The following MRPL42 variants were observed in gnomAD, a reference collection of about 807,000 sequenced individuals.
MRPL42 encodes large ribosomal subunit protein mL42.
MRPL42 carries 17 observed loss-of-function variants against 17.9 expected under a neutral mutation model. The ratio of observed to expected loss-of-function variants is 0.95; its 90% CI spans 0.65 to 1.42. MRPL42 has a LOEUF of 1.42. Ranked by LOEUF, MRPL42 falls within the 40% of genes most tolerant of loss-of-function variation. The pLI, the probability that MRPL42 is intolerant of heterozygous loss-of-function variation, is 0.00. For synonymous variants in MRPL42, 59 were observed against 54.4 expected (o/e 1.08, Z -0.37); for missense variants, 177 against 175.2 (o/e 1.01, Z -0.06).
At chr12:93,468,871 CTG>C (rs958641506) in intron 1 of MRPL42, among the ~76,000 whole-genome samples, 12 of 152,150 alleles carry the variant, frequency 7.9e-5, no homozygotes, top group African/African-American at 1.7e-4. Context: ...AATGAATACT[CTG>C]TGTACCATTT....
intron 2 of MRPL42, among the ~76,000 whole-genome samples, chr12:93,470,165 T>A (rs1879840121): frequency 6.6e-6 from 1 of 152,200 alleles, no homozygotes; most frequent in Admixed American, 6.5e-5. Flanking sequence ...CTAGCCATTT[T>A]TAAAAAAATG....
rs1326289465 is a variant in MRPL42, at chr12:93,514,297, T to G, written c.*13076T>G. ...CTCTGCTTTTTCTTTCTTTCTTTCT[T>G]TTTTTTTTTTTTTTTTTTGAGATGG... is the stretch of plus-strand genomic sequence containing the variant. On this transcript the variant is annotated 3_prime_UTR_variant, in exon 6 of 6. Transcript: ENST00000549982. The G allele has an allele frequency of 7.9e-5, 1 of 12,610 alleles. No homozygotes were observed. The highest frequency in any genetic ancestry group is 4.3e-4 in the African/African-American group (1 of 2,336). 0.8% of individuals were successfully genotyped at this position (12,610 alleles called of 1,614,324 possible). A position where few individuals can be genotyped will look rare whatever the true frequency, so the allele number is the denominator to read the frequency against.
chr12:93,487,472 A>T, intron 4 of MRPL42, 25 bp from the exon 5 acceptor site: 4 of 1,587,350 alleles, frequency 2.5e-6, no homozygotes, highest in Non-Finnish European at 2.6e-6. Flanking sequence ...CATCTTCATG[A>T]TGTTTGTTAC....
Position 93,502,167 on chromosome 12 carries a change from T to C in MRPL42, c.*946T>C, listed in dbSNP as rs1023549839. 1 of 152,196 alleles carries C rather than the reference T, an allele frequency of 6.6e-6. No homozygotes were observed. The highest frequency in any genetic ancestry group is 1.5e-5 in the Non-Finnish European group (1 of 68,038). 9.4% of individuals were successfully genotyped at this position (152,196 alleles called of 1,614,324 possible). On this transcript the variant is annotated 3_prime_UTR_variant, in exon 6 of 6. Transcript: ENST00000549982. Reference sequence around the variant, plus strand: ...TGTAATTTGTTTTGAAGGTTTTTTTTCCTGACTGTCTTAAAGATTATGCTA... The same window carrying C: ...TGTAATTTGTTTTGAAGGTTTTTTTCCCTGACTGTCTTAAAGATTATGCTA...
Position 93,492,676 on chromosome 12 carries a change from A to T in MRPL42, c.383+5016A>T, listed in dbSNP as rs539916970. 2.4e-3 allele frequency among the ~76,000 whole-genome samples: 369 copies of T among 152,368 alleles called. 1 individual carries two copies. Among genetic ancestry groups the T allele is most frequent in the African/African-American group, 8.4e-3 (351 of 41,588 alleles). Reference sequence around the variant, plus strand: ...CTGTCCATTAAAAGTGTCATTCAGCATACACTGTTCAATTATATTTACTAC... The same window carrying T: ...CTGTCCATTAAAAGTGTCATTCAGCTTACACTGTTCAATTATATTTACTAC... On this transcript the variant is annotated intron_variant, in intron 5 of 5. Coordinates refer to ENST00000549982, the MANE Select transcript of MRPL42 (RefSeq NM_014050.4).
chr12:93,476,366 C>T (rs1880177300), intron 2 of MRPL42, among the ~76,000 whole-genome samples: 1 of 152,088 alleles, frequency 6.6e-6, no homozygotes, highest in Non-Finnish European at 1.5e-5. Context: ...CAAAGTTTCA[C>T]CATGTTAGTC....
intron 4 of MRPL42, among the ~76,000 whole-genome samples, chr12:93,484,936 G>A (rs1880630374): frequency 9.4e-6 from 1 of 106,384 alleles, no homozygotes; most frequent in African/African-American, 3.2e-5. Context: ...TTACTTAATT[G>A]TGCCACCTCC....
chr12:93,512,168 T>A lies in MRPL42; in HGVS notation c.*10947T>A, dbSNP rs1239418493. The A allele has an allele frequency of 6.6e-6, 1 of 152,174 alleles. No individual in the cohort carries two copies. The highest frequency in any genetic ancestry group is 1.5e-5 in the Non-Finnish European group (1 of 68,038). 9.4% of individuals were successfully genotyped at this position (152,174 alleles called of 1,614,324 possible). A position where few individuals can be genotyped will look rare whatever the true frequency, so the allele number is the denominator to read the frequency against. ...GTCCCAGCTTTATAAAGATATACAT[T>A]GGGCTGGGTGCGGTGGCTCATGCCT... On this transcript the variant is annotated 3_prime_UTR_variant, in exon 6 of 6. Transcript: ENST00000549982.
In MRPL42 at chr12:93,512,024, A is replaced by T. The variant is rs1332945155; in HGVS notation, c.*10803A>T. The T allele has an allele frequency of 6.6e-6, 1 of 152,244 alleles. No individual in the cohort carries two copies. The highest frequency in any genetic ancestry group is 1.5e-5 in the Non-Finnish European group (1 of 68,032). 9.4% of individuals were successfully genotyped at this position (152,244 alleles called of 1,614,324 possible). The stretch of plus-strand genomic sequence containing the variant: ...CAATAAGTTTGAGATTGTTCTCTTT[A>T]TGTAATAGTTTGGAAAACAAACAAC... On this transcript the variant is annotated 3_prime_UTR_variant, in exon 6 of 6. Transcript: ENST00000549982.
intron 2 of MRPL42, among the ~76,000 whole-genome samples, chr12:93,475,920 G>A (rs563028612): frequency 2.5e-4 from 38 of 152,142 alleles, no homozygotes; most frequent in African/African-American, 8.4e-4. Context: ...GGCGGAGCTT[G>A]CAGTGAGCAG....
Position 93,503,822 on chromosome 12 carries a change from T to A in MRPL42, c.*2601T>A, listed in dbSNP as rs1168975655. On this transcript the variant is annotated 3_prime_UTR_variant, in exon 6 of 6. Coordinates refer to ENST00000549982, the MANE Select transcript of MRPL42 (RefSeq NM_014050.4). ...CTTAATAGGAATTTTTTCCGTATCA[T>A]TAAGTACTCTGATTTAATGGGTGCA... 1.3e-5 allele frequency: 2 copies of A among 152,120 alleles called. No individual in the cohort carries two copies. The highest frequency in any genetic ancestry group is 4.8e-5 in the African/African-American group (2 of 41,438). 9.4% of individuals were successfully genotyped at this position (152,120 alleles called of 1,614,324 possible).
intron 4 of MRPL42, among the ~76,000 whole-genome samples, chr12:93,482,484 T>C (rs1336145165): frequency 6.6e-6 from 1 of 152,196 alleles, no homozygotes; most frequent in Non-Finnish European, 1.5e-5. Context: ...AGGTGCACAA[T>C]AAATATTTTT....
At chr12:93,485,381 ATC>A (rs1368485808) in intron 4 of MRPL42, among the ~76,000 whole-genome samples, 2 of 151,272 alleles carry the variant, frequency 1.3e-5, no homozygotes, top group East Asian at 3.9e-4. Context: ...GCTCAAAGTG[ATC>A]TGCCTGTCTC....
Position 93,479,368 on chromosome 12 carries a change from T to TA in MRPL42, c.135-16dup, listed in dbSNP as rs765338313. On this transcript the variant is annotated intron_variant, in intron 3 of 5. Coordinates refer to ENST00000549982, the MANE Select transcript of MRPL42 (RefSeq NM_014050.4). ...CTTGAATACAGTATAACTTTATTTC[T>TA]AAAACATTCTTTTTTTTAGCAACGT... 3.2e-6 allele frequency: 5 copies of TA among 1,574,352 alleles called. No homozygotes were observed. In the Admixed American group the frequency reaches 9.0e-5, roughly 28 times the overall value.
chr12:93,502,624 G>A lies in MRPL42; in HGVS notation c.*1403G>A, dbSNP rs578239657. The A allele has an allele frequency of 3.9e-5, 6 of 152,044 alleles. No individual in the cohort carries two copies. Among genetic ancestry groups the A allele is most frequent in the African/African-American group, 1.4e-4 (6 of 41,402 alleles). The allele number at this position is 152,044 out of a possible 1,614,324, so 9.4% of individuals were successfully genotyped here. On this transcript the variant is annotated 3_prime_UTR_variant, in exon 6 of 6. Transcript: ENST00000549982. The stretch of plus-strand genomic sequence containing the variant: ...TCATTTGGAAAGATTAAAAAAACAA[G>A]TTTGATTGAACTTGATAAATCAGAA...
Position 93,515,792 on chromosome 12 carries a change from A to AT in MRPL42, c.*14572dup. ...AGGCTATGTTATTTTCCTATTGGGC[A>AT]TAAGTCTCACAGAATACCAACATTA... On this transcript the variant is annotated 3_prime_UTR_variant, in exon 6 of 6. Transcript: ENST00000549982. The AT allele has an allele frequency of 6.6e-6, 1 of 152,358 alleles. No individual in the cohort carries two copies. The highest frequency in any genetic ancestry group is 1.9e-4 in the East Asian group (1 of 5,184). The allele number at this position is 152,358 out of a possible 1,614,324, so 9.4% of individuals were successfully genotyped here.
intron 5 of MRPL42, chr12:93,487,969 T>G: frequency 5.0e-6 from 1 of 198,756 alleles, no homozygotes; most frequent in Non-Finnish European, 9.1e-6. Flanking sequence ...GCTAATTTTG[T>G]TCTTTTTTTT....
intron 2 of MRPL42, chr12:93,470,582 A>G (rs1364990677): frequency 2.4e-6 from 3 of 1,250,358 alleles, no homozygotes; most frequent in Non-Finnish European, 3.1e-6. Flanking sequence ...TGAACATAGT[A>G]CCCAATAGGT....
intron 4 of MRPL42, among the ~76,000 whole-genome samples, chr12:93,482,896 CTTT>C (rs11347110): frequency 6.9e-6 from 1 of 145,892 alleles, no homozygotes; most frequent in Non-Finnish European, 1.5e-5. Context: ...CAATCTGGTT[CTTT>C]TTTTTTTTTT....
Sources: allele counts gnomAD v4.1 joint callset (sites outside exome capture counted in the v4.1 genomes callset), GRCh38; gene constraint gnomAD v4.1.1; transcripts MANE v1.5; gene names NCBI Gene and HGNC (gene_info 2026-07-23, HGNC 2026-07-21).